MADD: variants seen among roughly 807,000 people sequenced by gnomAD.
The protein encoded by MADD is MAP kinase activating death domain.
Under a neutral mutation model 176.7 loss-of-function variants are expected in MADD, and 109 were observed. The ratio of observed to expected loss-of-function variants is 0.62; its 90% CI spans 0.53 to 0.72. The LOEUF (loss-of-function observed/expected upper bound fraction) is 0.72, where lower values mean the gene tolerates loss of function less well. Ranked by LOEUF, MADD falls within the 30% of genes least tolerant of loss-of-function variation. The probability of loss-of-function intolerance (pLI) is 0.00; values close to 1 mark genes in which losing one functional copy is unlikely to be tolerated. For missense variants in MADD, 1,914 were observed against 2,045.5 expected, an observed-to-expected ratio of 0.94 and a Z score of 1.24; for synonymous variants, 771 against 771.3, an observed-to-expected ratio of 1.00 and a Z score of 0.01.
chr11:47,286,582 T>C (rs567450952), intron 15 of MADD, 48 bp downstream of exon 15: 2 of 1,455,490 alleles, frequency 1.4e-6, no homozygotes, highest in African/African-American at 2.8e-5. Context: ...CGGGAGATGT[T>C]TCGGGCTGTG....
chr11:47,276,158 G>A, exon 4 of MADD: 1 of 1,614,016 alleles, frequency 6.2e-7, no homozygotes, highest in Non-Finnish European at 8.5e-7. Context: ...TCTAGGTGTG[G>A]ACGCCTGTCT....
At chr11:47,279,645 C>G (rs1459018713) in intron 7 of MADD, among the ~76,000 whole-genome samples, 2 of 150,546 alleles carry the variant, frequency 1.3e-5, no homozygotes. Context: ...TCCCGAAGTG[C>G]TGGGATTACA....
In MADD at chr11:47,288,694, T is replaced by C. The variant is rs556139175; in HGVS notation, c.2654-697T>C. 6.6e-5 allele frequency among the ~76,000 whole-genome samples: 10 copies of C among 152,278 alleles called. No individual in the cohort carries two copies. In the East Asian group the frequency reaches 1.9e-3, roughly 29 times the overall value. On this transcript the variant is annotated intron_variant, in intron 15 of 32. Coordinates refer to ENST00000402192, the Ensembl canonical transcript of MADD. ...ATGTTTTCTGAAAACCAGCGGTCCC[T>C]GTTTCATGCATGTGTGTGTTCAGTA...
chr11:47,279,336 C>T (rs1417352395), intron 7 of MADD, among the ~76,000 whole-genome samples: 1 of 147,570 alleles, frequency 6.8e-6, no homozygotes, highest in East Asian at 2.0e-4. Context: ...CTCTCTGTTT[C>T]TTGTATGTGT....
In MADD at chr11:47,281,614, A is replaced by G. The variant is rs61751747; in HGVS notation, c.1330A>G (p.Asn444Asp). 3.8e-3 allele frequency: 6,047 copies of G among 1,611,408 alleles called. 37 individuals are homozygous for G. The highest frequency in any genetic ancestry group is 3.2e-3 in the Non-Finnish European group (3,825 of 1,178,694). ...GAGTCTCAACACCCAGCCCATCCTC[A>G]ATCTGGAGAAATTTCATGAGGGCCA... is the stretch of plus-strand genomic sequence containing the variant. The change falls in exon 8 of 33, where the codon AAT (asparagine) becomes GAT (aspartate). Residue 444 changes from asparagine (N) to aspartate (D), a missense_variant. Transcript: ENST00000402192.
At chr11:47,271,160 A>G (rs1250516256) in intron 1 of MADD, 2 of 152,232 alleles carry the variant, frequency 1.3e-5, no homozygotes, top group African/African-American at 2.4e-5. Context: ...ATACAGGAAG[A>G]TAGGAACCAG....
At chr11:47,286,358 T>C in intron 14 of MADD, 75 bp from the exon 15 acceptor site, 2 of 917,338 alleles carry the variant, frequency 2.2e-6, no homozygotes, top group South Asian at 2.7e-5. Context: ...GAGGTGCAGA[T>C]GCTGATAGTC....
At chr11:47,310,046 T>C (rs992042904) in intron 25 of MADD, among the ~76,000 whole-genome samples, 4 of 152,052 alleles carry the variant, frequency 2.6e-5, no homozygotes, top group Non-Finnish European at 5.9e-5. Context: ...TTCACCATGT[T>C]GGCCAGGCTG....
chr11:47,315,919 C>T (rs955902338), intron 27 of MADD, among the ~76,000 whole-genome samples: 18 of 151,206 alleles, frequency 1.2e-4, no homozygotes, highest in Admixed American at 2.0e-4. Context: ...GCAGCCTCCA[C>T]CTCCCAGGTT....
At chr11:47,299,313 A>T (rs945681525) in intron 22 of MADD, among the ~76,000 whole-genome samples, 3 of 151,034 alleles carry the variant, frequency 2.0e-5, no homozygotes, top group African/African-American at 7.3e-5. Flanking sequence ...ATATCTTTCC[A>T]TTTTTTCCCT....
chr11:47,273,541 A>T (rs2046868344), intron 1 of MADD, among the ~76,000 whole-genome samples: 1 of 152,136 alleles, frequency 6.6e-6, no homozygotes, highest in South Asian at 2.1e-4. Context: ...GGGTTTTGCC[A>T]TGTTGGCCAG....
intron 15 of MADD, among the ~76,000 whole-genome samples, chr11:47,288,525 C>T (rs903248549): frequency 6.6e-6 from 1 of 152,198 alleles, no homozygotes; most frequent in African/African-American, 2.4e-5. Flanking sequence ...TCTTTCATTG[C>T]ATGCTGATGC....
intron 4 of MADD, 149 bp from the exon 5 acceptor site, chr11:47,276,583 C>A: frequency 1.2e-6 from 1 of 848,056 alleles, no homozygotes; most frequent in Non-Finnish European, 1.8e-6. Flanking sequence ...TGGGAGGTGG[C>A]AGGCATGGTG....
Position 47,324,589 on chromosome 11 carries a change from C to T in MADD, c.4542+12C>T, listed in dbSNP as rs773694046. 19 of 1,579,138 alleles carry T rather than the reference C, an allele frequency of 1.2e-5. No homozygotes were observed. The highest frequency in any genetic ancestry group is 4.4e-5 in the South Asian group (4 of 90,286). On this transcript the variant is annotated intron_variant, in intron 30 of 32. Transcript: ENST00000402192. ...TCATGCACAATCAGGTAGGTGCGAG[C>T]GGCAGCACGAGGCTCCCTGTCGTTC...
intron 5 of MADD, among the ~76,000 whole-genome samples, chr11:47,277,936 G>A (rs1161440369): frequency 6.6e-6 from 1 of 152,086 alleles, no homozygotes; most frequent in Non-Finnish European, 1.5e-5. Flanking sequence ...TCAGTTAACT[G>A]GAATCACAGA....
chr11:47,279,022 A>C (rs2136782372), exon 7 of MADD: 1 of 1,614,120 alleles, frequency 6.2e-7, no homozygotes, highest in African/African-American at 1.3e-5. Context: ...CCAATGCAGA[A>C]GTGCTGCCTA....
chr11:47,304,801 T>A (rs748191373), intron 22 of MADD, among the ~76,000 whole-genome samples: 8 of 152,344 alleles, frequency 5.3e-5, no homozygotes, highest in Middle Eastern at 3.4e-3. Flanking sequence ...GAGTCATATG[T>A]CCTTGTTTTT....
At chr11:47,282,996 G>C in intron 10 of MADD, 27 bp downstream of exon 10, 1 of 1,603,950 alleles carries the variant, frequency 6.2e-7, no homozygotes, top group East Asian at 2.2e-5. Context: ...CAGCAAAAAG[G>C]TTTTAAAGGT....
intron 19 of MADD, 133 bp from the exon 22 acceptor site, chr11:47,293,750 G>T (rs2067554797): frequency 3.2e-6 from 2 of 623,476 alleles, no homozygotes; most frequent in Non-Finnish European, 2.9e-6. Context: ...GTCCTGAGTG[G>T]GGGGTAGTCC....
Sources: allele counts gnomAD v4.1 joint callset (sites outside exome capture counted in the v4.1 genomes callset), GRCh38; gene constraint gnomAD v4.1.1; transcripts MANE v1.5; gene names NCBI Gene and HGNC (gene_info 2026-07-23, HGNC 2026-07-21).